TMC5: variants seen among roughly 807,000 people sequenced by gnomAD.
TMC5 encodes the protein transmembrane channel-like protein 5.
In TMC5, 86 loss-of-function variants were observed where a neutral mutation model predicts 110.5. The ratio of observed to expected loss-of-function variants is 0.78; its 90% CI spans 0.65 to 0.93. The LOEUF (loss-of-function observed/expected upper bound fraction) is 0.93, where lower values mean the gene tolerates loss of function less well. Ranked by LOEUF, TMC5 falls within the 40% of genes least tolerant of loss-of-function variation. The pLI is 0.00. For missense variants in TMC5, 1,144 were observed against 1,222.8 expected (o/e 0.94, Z 0.96); for synonymous variants, 455 against 439.5 (o/e 1.04, Z -0.44).
At chr16:19,460,177 C>G (rs975043561) in intron 5 of TMC5, 58 bp from the exon 6 acceptor site, 1 of 1,346,810 alleles carries the variant, frequency 7.4e-7, no homozygotes, top group African/African-American at 1.4e-5. Flanking sequence ...CACCACATTT[C>G]AGTGTTACGA....
At chr16:19,419,451 C>T (rs1196264341) in intron 1 of TMC5, among the ~76,000 whole-genome samples, 6 of 107,068 alleles carry the variant, frequency 5.6e-5, no homozygotes, top group African/African-American at 1.1e-4. Flanking sequence ...CTTGCTCTGT[C>T]GCTCAGGCTG....
chr16:19,455,771 C>A (rs747677785), intron 5 of TMC5, among the ~76,000 whole-genome samples: 11 of 152,166 alleles, frequency 7.2e-5, no homozygotes, highest in Non-Finnish European at 1.3e-4. Flanking sequence ...GGAAATGGAG[C>A]TTTTGCTGGT....
chr16:19,464,204 C>T (rs8044419), intron 8 of TMC5, among the ~76,000 whole-genome samples, 180 bp downstream of exon 8: 131,298 of 152,226 alleles, frequency 0.86, 56,862 homozygotes, highest in South Asian at 0.93. Context: ...TCCCAGCAAG[C>T]TGGGAGGCCA....
At chr16:19,423,750 A>G (rs1312814449) in intron 1 of TMC5, among the ~76,000 whole-genome samples, 1 of 151,264 alleles carries the variant, frequency 6.6e-6, no homozygotes, top group African/African-American at 2.4e-5. Context: ...TTTTATTGTT[A>G]TTATTATTAT....
intron 14 of TMC5, 89 bp downstream of exon 14, chr16:19,479,617 A>C: frequency 2.2e-6 from 2 of 900,734 alleles, no homozygotes; most frequent in Non-Finnish European, 3.6e-6. Flanking sequence ...GGTGCCTGAC[A>C]TACTCAAAGC....
intron 1 of TMC5, among the ~76,000 whole-genome samples, chr16:19,423,250 C>T (rs1192224460): frequency 6.6e-6 from 1 of 152,160 alleles, no homozygotes; most frequent in Non-Finnish European, 1.5e-5. Flanking sequence ...TGGGGGCTGT[C>T]TTGTGCATTA....
At chr16:19,415,654 A>T (rs1420228710), upstream of TMC5, among the ~76,000 whole-genome samples, 2 of 152,152 alleles carry the variant, frequency 1.3e-5, no homozygotes, top group Non-Finnish European at 2.9e-5. Flanking sequence ...CTCCACAATG[A>T]TTGGCAGGCA....
chr16:19,456,576 T>C, intron 5 of TMC5: 2 of 1,452,734 alleles, frequency 1.4e-6, no homozygotes, highest in Non-Finnish European at 9.1e-7. Context: ...TTAAAAATAA[T>C]GTGAATGGTG....
Position 19,463,889 on chromosome 16 carries a change from C to A in TMC5, c.1350C>A (p.Phe450Leu), listed in dbSNP as rs769435307. The change falls in exon 8 of 22, where the codon TTC becomes TTA. Residue 450 changes from phenylalanine to leucine, a missense_variant. Coordinates refer to ENST00000542583, the MANE Select transcript of TMC5 (RefSeq NM_001261841.2). ...GKFGTSVLSYFNFLRWLLKFN... is the reference protein window; with the variant it reads ...GKFGTSVLSYLNFLRWLLKFN... ...TTGGAACCAGCGTCCTCTCCTATTT[C>A]AACTTTCTGAGATGGCTTTTGAAGT... 6.2e-7 allele frequency: 1 copy of A among 1,614,216 alleles called. No homozygotes were observed. The highest frequency in any genetic ancestry group is 8.5e-7 in the Non-Finnish European group (1 of 1,180,040).
At chr16:19,473,345 CAAAAAAAAAAAAAAAAAAAAAAAA>C (rs35872301) in intron 11 of TMC5, among the ~76,000 whole-genome samples, 1 of 20,212 alleles carries the variant, frequency 4.9e-5, no homozygotes, top group African/African-American at 1.0e-4. Flanking sequence ...GACTCCGGCT[CAAAAAAAAAAAAAAAAAAAAAAAA>C]AAAAAAAAAA....
intron 14 of TMC5, among the ~76,000 whole-genome samples, chr16:19,479,775 AT>A (rs2143689070): frequency 6.6e-6 from 1 of 152,300 alleles, no homozygotes; most frequent in Non-Finnish European, 1.5e-5. Flanking sequence ...AATTCTAAAA[AT>A]AAAAGACAGA....
Position 19,487,035 on chromosome 16 carries a change from C to T in TMC5, c.2439+15C>T. ...ACTCCAAAAATGTGAGTCAGTCCGA[C>T]ATTGCCATCAATCAGCTTTGTTCAG... is the stretch of plus-strand genomic sequence containing the variant. On this transcript the variant is annotated intron_variant, in intron 16 of 21. Coordinates refer to ENST00000542583, the MANE Select transcript of TMC5 (RefSeq NM_001261841.2). 6.2e-7 allele frequency: 1 copy of T among 1,613,430 alleles called. No homozygotes were observed. Among genetic ancestry groups the T allele is most frequent in the East Asian group, 2.2e-5 (1 of 44,876 alleles).
chr16:19,436,256 A>G (rs985341090), intron 2 of TMC5, among the ~76,000 whole-genome samples: 1 of 122,436 alleles, frequency 8.2e-6, no homozygotes, highest in Non-Finnish European at 1.8e-5. Flanking sequence ...TGAAAGAGCA[A>G]AAGTTCGTCT....
Position 19,434,104 on chromosome 16 carries a change from ATAT to A in TMC5, c.-80+3468_-80+3470del, listed in dbSNP as rs1427053976. 6.3e-4 allele frequency among the ~76,000 whole-genome samples: 15 copies of A among 23,950 alleles called. 1 individual carries two copies. The highest frequency in any genetic ancestry group is 1.2e-3 in the East Asian group (1 of 866). 15.7% of individuals were successfully genotyped at this position (23,950 alleles called of 152,430 possible). On this transcript the variant is annotated intron_variant, in intron 2 of 21. Transcript: ENST00000542583. ...TAATATATATATATCTATAATATATATATTATATATATATCTATATATCTAAAA... is the reference window on the plus strand; with the variant it reads ...TAATATATATATATCTATAATATATATATATATATATCTATATATCTAAAA...
chr16:19,473,367 A>C (rs1164387129), intron 11 of TMC5, among the ~76,000 whole-genome samples: 3 of 146,120 alleles, frequency 2.1e-5, no homozygotes, highest in Non-Finnish European at 3.0e-5. Context: ...AAAAAAAAAA[A>C]AAAAAAAAAA....
intron 1 of TMC5, among the ~76,000 whole-genome samples, chr16:19,420,553 T>A (rs952214549): frequency 2.6e-5 from 4 of 152,178 alleles, no homozygotes. Context: ...CTCAACTCCC[T>A]TGTTTCAAGT....
intron 1 of TMC5, among the ~76,000 whole-genome samples, chr16:19,424,193 G>T (rs561701253): frequency 6.6e-6 from 1 of 152,194 alleles, no homozygotes. Flanking sequence ...CTGACCAGCT[G>T]GCTGTAAAGT....
chr16:19,413,115 G>A (rs1001233240), upstream of TMC5, among the ~76,000 whole-genome samples: 28 of 152,092 alleles, frequency 1.8e-4, no homozygotes, highest in African/African-American at 6.8e-4. Flanking sequence ...AGTAGCTAGG[G>A]CTTTAGGCGC....
intron 18 of TMC5, 143 bp downstream of exon 18, chr16:19,490,711 TTTCCTTCC>T (rs150837460): frequency 0.081 from 31,609 of 388,516 alleles, 4,605 homozygotes; most frequent in East Asian, 0.19. Flanking sequence ...GGTAGTTTTC[TTTCCTTCC>T]TTCCTTCCTT....
Sources: allele counts gnomAD v4.1 joint callset (sites outside exome capture counted in the v4.1 genomes callset), GRCh38; gene constraint gnomAD v4.1.1; transcripts MANE v1.5; gene names NCBI Gene and HGNC (gene_info 2026-07-23, HGNC 2026-07-21).